The following ACHE variants were observed in gnomAD, a reference collection of about 807,000 sequenced individuals.
ACHE encodes acetylcholinesterase (Yt blood group), also known as acetylcholinesterase.
ACHE carries 19 observed loss-of-function variants against 53.9 expected under a neutral mutation model. The observed-to-expected ratio is 0.35, with a 90% CI of 0.25 to 0.52. The LOEUF (loss-of-function observed/expected upper bound fraction) is 0.52, where lower values mean the gene tolerates loss of function less well. Ranked by LOEUF, ACHE falls within the 20% of genes least tolerant of loss-of-function variation. The pLI, the probability that ACHE is intolerant of heterozygous loss-of-function variation, is 0.95. For missense variants in ACHE, 605 were observed against 849.4 expected (o/e 0.71, Z 3.58); for synonymous variants, 392 against 378.1 (o/e 1.04, Z -0.43).
In ACHE at chr7:100,890,148, C is replaced by G; in HGVS notation, c.*66G>C. ...GGCTCGTCTGTGTTATAGCCCAGCC[C>G]TGAAATAAATAGTATATACAGCTAG... is the stretch of plus-strand genomic sequence containing the variant. On this transcript the variant is annotated 3_prime_UTR_variant, in exon 5 of 5. Transcript: ENST00000241069. 2 of 1,583,354 alleles carry G rather than the reference C, an allele frequency of 1.3e-6. No homozygotes were observed. The highest frequency in any genetic ancestry group is 4.5e-5 in the East Asian group (2 of 44,172).
At chr7:100,890,494 TG>T in intron 4 of ACHE, 159 bp from the exon 5 acceptor site, 1 of 1,441,764 alleles carries the variant, frequency 6.9e-7, no homozygotes, top group Non-Finnish European at 9.1e-7. Flanking sequence ...ATCAGGAGAA[TG>T]TGCGAAAGAC....
Position 100,892,456 on chromosome 7 carries a change from G to A in ACHE, c.1431C>T (p.Pro477=), listed in dbSNP as rs7636. The change falls in exon 3 of 5, where the codon CCC becomes CCT. Residue 477 remains proline (P), a synonymous_variant. Coordinates refer to ENST00000241069, the MANE Select transcript of ACHE (RefSeq NM_000665.5). This position sits in a 1 kb window ranked among gnomAD's most constrained non-coding sequence, Gnocchi z 5.2. ...AGATGAACTCGATCTCGTAGCCGTG[G>A]GGCACCCCCATCCACAGGGGCCAGG... The part of the protein sequence containing the change: ...TLSWPLWMGV[P]HGYEIEFIFG... 80,168 of 1,559,426 alleles carry A rather than the reference G, an allele frequency of 0.051. 3,938 individuals carry two copies. The highest frequency in any genetic ancestry group is 0.25 in the African/African-American group (18,077 of 72,738).
chr7:100,890,316 C>T lies in ACHE; in HGVS notation c.1743G>A (p.Glu581=). The T allele has an allele frequency of 6.2e-7, 1 of 1,605,750 alleles. No homozygotes were observed. The highest frequency in any genetic ancestry group is 8.5e-7 in the Non-Finnish European group (1 of 1,176,068). The change falls in exon 5 of 5, where the codon GAG becomes GAA. Residue 581 remains glutamate, a synonymous_variant. Coordinates refer to ENST00000241069, the MANE Select transcript of ACHE (RefSeq NM_000665.5). Reference sequence around the variant, plus strand: ...GGTGGAACTCGGCCTTCCACTGGCGCTCCGCCTCGTCGAGCGTGTCTGCGG... The same window carrying T: ...GGTGGAACTCGGCCTTCCACTGGCGTTCCGCCTCGTCGAGCGTGTCTGCGG... ...LSATDTLDEA[E]RQWKAEFHRW...
intron 4 of ACHE, 65 bp from the exon 5 acceptor site, chr7:100,890,400 ATTT>A (rs1473049515): frequency 6.4e-7 from 1 of 1,561,162 alleles, no homozygotes; most frequent in East Asian, 2.3e-5. Flanking sequence ...GGGATCGGAC[ATTT>A]GGGCGGGTTG....
intron 1 of ACHE, 70 bp from the exon 2 acceptor site, chr7:100,894,322 T>G: frequency 2.6e-6 from 3 of 1,146,176 alleles, no homozygotes; most frequent in Non-Finnish European, 3.5e-6. Flanking sequence ...ATTAGGGCAC[T>G]GTCGGCCCAA....
At chr7:100,891,409 C>G (rs1047108606) in intron 3 of ACHE, 71 bp from the exon 4 acceptor site, 21 of 1,446,028 alleles carry the variant, frequency 1.5e-5, no homozygotes, top group Non-Finnish European at 1.6e-5. Context: ...CACGGGATCC[C>G]GGACTCTTCA....
chr7:100,894,147 A>C lies in ACHE; in HGVS notation c.86T>G (p.Val29Gly). The change falls in exon 2 of 5, where the codon GTG (valine) becomes GGG (glycine). Residue 29 changes from valine to glycine, a missense_variant. This residue lies in a region of ACHE where 89 missense variants were observed against 78.9 expected (regional missense o/e 1.13). Coordinates refer to ENST00000241069, the MANE Select transcript of ACHE (RefSeq NM_000665.5). ...TGCATCCTCCCGGCCCTCAGCCCCC[A>C]CTCCTCCACCCAGGAGCCAGAGGAG... Reference protein sequence around the residue: ...LLLLWLLGGGVGAEGREDAEL... With the variant: ...LLLLWLLGGGGGAEGREDAEL... 6.8e-7 allele frequency: 1 copy of C among 1,481,220 alleles called. No homozygotes were observed. Among genetic ancestry groups the C allele is most frequent in the East Asian group, 2.4e-5 (1 of 42,254 alleles). 91.8% of individuals were successfully genotyped at this position (1,481,220 alleles called of 1,614,324 possible). A position where few individuals can be genotyped will look rare whatever the true frequency, so the allele number is the denominator to read the frequency against.
At position 100,891,224 on chromosome 7, in the gene ACHE, G is replaced by A; in HGVS notation, c.1668C>T (p.Arg556=). 1 of 1,607,436 alleles carries A rather than the reference G, an allele frequency of 6.2e-7. No homozygotes were observed. Among genetic ancestry groups the A allele is most frequent in the Non-Finnish European group, 8.5e-7 (1 of 1,178,938 alleles). The part of the protein sequence containing the change: ...LRPLEVRRGL[R]AQACAFWNRF... ...GGTTCCAGAAGGCGCAGGCCTGGGC[G>A]CGCAGCCCCCGCCGCACCTCCAGCG... is the stretch of plus-strand genomic sequence containing the variant. The change falls in exon 4 of 5, where the codon CGC becomes CGT. Residue 556 remains arginine, a synonymous_variant. Coordinates refer to ENST00000241069, the MANE Select transcript of ACHE (RefSeq NM_000665.5).
chr7:100,891,470 C>G (rs1790693447), intron 3 of ACHE, 132 bp from the exon 4 acceptor site: 9 of 882,250 alleles, frequency 1.0e-5, no homozygotes, highest in Admixed American at 3.7e-5. Context: ...ACCACTTTCT[C>G]CAATGTGCGC....
intron 3 of ACHE, among the ~76,000 whole-genome samples, chr7:100,891,807 C>CA (rs1790719526): frequency 3.4e-5 from 2 of 58,244 alleles, no homozygotes; most frequent in Non-Finnish European, 4.5e-5. Flanking sequence ...TTTTTTTTTC[C>CA]AGAGATAGGG....
chr7:100,890,672 A>G lies in ACHE; in HGVS notation c.1724-337T>C, dbSNP rs893898463. Reference sequence around the variant, plus strand: ...CGTTATAGCCCCAATGGGGGGTGCTACCCCGTCCGGGGCCTCCCACTTCCC... The same window carrying G: ...CGTTATAGCCCCAATGGGGGGTGCTGCCCCGTCCGGGGCCTCCCACTTCCC... On this transcript the variant is annotated intron_variant, in intron 4 of 4. Transcript: ENST00000241069. 3.8e-6 allele frequency: 5 copies of G among 1,331,114 alleles called. No homozygotes were observed. In the Admixed American group the frequency reaches 1.1e-4, roughly 28 times the overall value. 82.5% of individuals were successfully genotyped at this position (1,331,114 alleles called of 1,614,324 possible).
chr7:100,893,103 G>A, intron 2 of ACHE, 62 bp downstream of exon 2: 1 of 1,525,890 alleles, frequency 6.6e-7, no homozygotes, highest in Non-Finnish European at 9.0e-7. Context: ...GGTCCCTGCA[G>A]GGAGGGGAGG....
chr7:100,894,222 G>GGGGGCCTCA lies in ACHE; in HGVS notation c.2_10dup (p.Pro3_Pro4insLeuArgPro). On this transcript the variant is annotated inframe_insertion, in exon 2 of 5. Coordinates refer to ENST00000241069, the MANE Select transcript of ACHE (RefSeq NM_000665.5). ...GGAAGGCGTGTGCAGCAGACACTGCGGGGGCCTCATGGCTGCAGGGCAGGC... is the reference window on the plus strand; with the variant it reads ...GGAAGGCGTGTGCAGCAGACACTGCGGGGGCCTCAGGGGCCTCATGGCTGCAGGGCAGGC... The GGGGGCCTCA allele has an allele frequency of 6.9e-7, 1 of 1,450,018 alleles. No individual in the cohort carries two copies. Among genetic ancestry groups the GGGGGCCTCA allele is most frequent in the African/African-American group, 1.4e-5 (1 of 70,504 alleles). 89.8% of individuals were successfully genotyped at this position (1,450,018 alleles called of 1,614,324 possible).
chr7:100,894,805 T>A (rs1411148778), intron 1 of ACHE, among the ~76,000 whole-genome samples: 1 of 151,332 alleles, frequency 6.6e-6, no homozygotes, highest in African/African-American at 2.4e-5. Context: ...CCCTGCCCCT[T>A]CTCATCCAAT....
rs1584769684 is a variant in ACHE at position 100,890,606 on chromosome 7, G to A, written c.1724-271C>T. The A allele has an allele frequency of 4.3e-6, 6 of 1,385,048 alleles. No individual in the cohort carries two copies. The Middle Eastern group carries it at 8.1e-4, about 188-fold the overall frequency. The allele number at this position is 1,385,048 out of a possible 1,614,324, so 85.8% of individuals were successfully genotyped here. ...GAAGACGGGAACAGAGGGGACAGGA[G>A]GGGGAGGTTGGGGGAAAAAGAAGAG... On this transcript the variant is annotated intron_variant, in intron 4 of 4. Transcript: ENST00000241069.
In ACHE at chr7:100,893,495, G is replaced by A; in HGVS notation, c.738C>T (p.Ser246=). ...GAASVGMHLL[S]PPSRGLFHRA... ...TGTGGAACAGGCCCCGGCTGGGCGGGGACAGCAGGTGCATGCCCACCGAGG... is the reference window on the plus strand; with the variant it reads ...TGTGGAACAGGCCCCGGCTGGGCGGAGACAGCAGGTGCATGCCCACCGAGG... The change falls in exon 2 of 5, where the codon TCC becomes TCT. Residue 246 remains serine, a synonymous_variant. Transcript: ENST00000241069. 1 of 1,608,030 alleles carries A rather than the reference G, an allele frequency of 6.2e-7. No homozygotes were observed. Among genetic ancestry groups the A allele is most frequent in the Non-Finnish European group, 8.5e-7 (1 of 1,179,842 alleles).
In ACHE at chr7:100,893,384, G is replaced by C. The variant is rs943603593; in HGVS notation, c.849C>G (p.Ala283=). Residue 283 remains alanine (A), a synonymous_variant, in exon 2 of 5, where the codon GCC becomes GCG. Coordinates refer to ENST00000241069, the MANE Select transcript of ACHE (RefSeq NM_000665.5). ...CGCCTGGAGGACAGCCCACAAGGTG[G>C]GCCAGCTGCGTGGCCCTGCGACGGG... The part of the protein sequence containing the change: ...GEARRRATQL[A]HLVGCPPGGT... 1 of 1,613,058 alleles carries C rather than the reference G, an allele frequency of 6.2e-7. No individual in the cohort carries two copies. The highest frequency in any genetic ancestry group is 1.7e-5 in the Admixed American group (1 of 60,000).
intron 1 of ACHE, among the ~76,000 whole-genome samples, chr7:100,895,392 G>A (rs1790984411): frequency 6.7e-6 from 1 of 149,188 alleles, no homozygotes; most frequent in East Asian, 2.0e-4. Context: ...GGGCCTCGGA[G>A]GGGGCCTCTG....
rs763970378 is a variant in ACHE at position 100,893,180 on chromosome 7, G to A, written c.1053C>T (p.Asp351=). 2 of 1,613,868 alleles carry A rather than the reference G, an allele frequency of 1.2e-6. No homozygotes were observed. The highest frequency in any genetic ancestry group is 3.3e-5 in the Admixed American group (2 of 59,994). Residue 351 remains aspartate (D), a synonymous_variant, in exon 2 of 5, where the codon GAC becomes GAT. Coordinates refer to ENST00000241069, the MANE Select transcript of ACHE (RefSeq NM_000665.5). ...DTPEALINAG[D]FHGLQVLVGV... ...CACTAGTTACCTGCAGGCCGTGGAA[G>A]TCTCCCGCGTTGATGAGGGCCTCTG... is the stretch of plus-strand genomic sequence containing the variant.
Sources: gnomAD v4.1 joint callset for allele counts (sites outside exome capture counted in the v4.1 genomes callset) on GRCh38, gnomAD v4.1.1 for gene constraint, gnomAD v4.1.1 regional missense constraint, Gnocchi (gnomAD v3.1) non-coding constraint, MANE v1.5 for transcripts, NCBI Gene and HGNC (gene_info 2026-07-23, HGNC 2026-07-21) for gene names.